FGF14: variants seen among roughly 807,000 people sequenced by gnomAD.
FGF14 encodes the protein fibroblast growth factor homologous factor 4.
FGF14 carries 5 observed loss-of-function variants against 25.5 expected under a neutral mutation model. The ratio of observed to expected loss-of-function variants is 0.20; its 90% CI spans 0.10 to 0.41. FGF14 has a LOEUF of 0.41. Among genes scored for constraint, FGF14 ranks in the 10% least tolerant of loss-of-function variants. The probability of loss-of-function intolerance (pLI) is 1.00; values close to 1 mark genes in which losing one functional copy is unlikely to be tolerated. For synonymous variants in FGF14, 138 were observed against 118.3 expected (o/e 1.17, Z -1.08); for missense variants, 222 against 320.1 (o/e 0.69, Z 2.34).
intron 1 of FGF14, among the ~76,000 whole-genome samples, chr13:102,271,143 GTAAA>G (rs1156969343): frequency 5.9e-5 from 9 of 152,104 alleles, no homozygotes; most frequent in Admixed American, 2.0e-4. Flanking sequence ...TGGTTTTGTG[GTAAA>G]TACTTATCAG....
At chr13:101,907,565 T>G (rs917616226) in intron 1 of FGF14, among the ~76,000 whole-genome samples, 1 of 152,150 alleles carries the variant, frequency 6.6e-6, no homozygotes, top group African/African-American at 2.4e-5. Context: ...AAGAACAGTT[T>G]GTTACTGGGG....
chr13:102,161,078 A>T (rs1256952276), intron 1 of FGF14, among the ~76,000 whole-genome samples: 1 of 152,206 alleles, frequency 6.6e-6, no homozygotes, highest in East Asian at 1.9e-4. Context: ...CCTAAGAGAG[A>T]GAAAGAAACA....
At chr13:101,943,548 A>G (rs1454657106) in intron 1 of FGF14, among the ~76,000 whole-genome samples, 1 of 152,158 alleles carries the variant, frequency 6.6e-6, no homozygotes, top group East Asian at 1.9e-4. Flanking sequence ...CTAAACATCA[A>G]TTGTTGCAGG....
chr13:102,025,999 G>T (rs2040906261), intron 1 of FGF14, among the ~76,000 whole-genome samples: 1 of 151,964 alleles, frequency 6.6e-6, no homozygotes. Flanking sequence ...AACAGAAGTG[G>T]CAAGAGCAGA....
At chr13:102,021,351 G>A (rs567614037) in intron 1 of FGF14, among the ~76,000 whole-genome samples, 27 of 152,154 alleles carry the variant, frequency 1.8e-4, no homozygotes, top group South Asian at 6.2e-4. Context: ...GAGTAAGTGC[G>A]TTGTGCTCTG....
At chr13:102,289,454 G>A (rs1402853747) in intron 1 of FGF14, among the ~76,000 whole-genome samples, 4 of 152,088 alleles carry the variant, frequency 2.6e-5, no homozygotes, top group African/African-American at 9.7e-5. Flanking sequence ...TACTCAAGTT[G>A]GACATTATAA....
chr13:102,044,684 T>C (rs1595093407), intron 1 of FGF14, among the ~76,000 whole-genome samples: 1 of 152,180 alleles, frequency 6.6e-6, no homozygotes, highest in East Asian at 1.9e-4. Flanking sequence ...GCCATTTAAT[T>C]GCTGTAAAAG....
chr13:102,180,608 G>A (rs9557829), intron 1 of FGF14, among the ~76,000 whole-genome samples: 21,228 of 152,066 alleles, frequency 0.14, 1,635 homozygotes, highest in Non-Finnish European at 0.17. Context: ...CACCTCACCC[G>A]GCCAAGAGAA....
chr13:101,726,380 G>A (rs1051191168), intron 4 of FGF14, among the ~76,000 whole-genome samples: 2 of 151,966 alleles, frequency 1.3e-5, no homozygotes, highest in Admixed American at 6.6e-5. Context: ...GGAGGTGGCA[G>A]AGAAGAAATT....
intron 1 of FGF14, among the ~76,000 whole-genome samples, chr13:102,194,938 C>T (rs554372687): frequency 4.6e-5 from 7 of 151,900 alleles, no homozygotes; most frequent in Non-Finnish European, 8.8e-5. Context: ...ACTATGGTTT[C>T]CAGAAGGCAA....
At chr13:102,255,058 G>A (rs6491676) in intron 1 of FGF14, among the ~76,000 whole-genome samples, 31,081 of 152,174 alleles carry the variant, frequency 0.2, 3,431 homozygotes, top group African/African-American at 0.27. Context: ...ATTGTTCACA[G>A]TGCTGTTTCC....
chr13:102,028,707 G>GT (rs376321040), intron 1 of FGF14, among the ~76,000 whole-genome samples: 1 of 151,342 alleles, frequency 6.6e-6, no homozygotes, highest in Admixed American at 6.6e-5. Context: ...GGAATATGGG[G>GT]TTTTTTTTGT....
At chr13:101,895,367 T>A (rs955231006) in intron 1 of FGF14, among the ~76,000 whole-genome samples, 3 of 152,164 alleles carry the variant, frequency 2.0e-5, no homozygotes, top group Admixed American at 1.3e-4. Flanking sequence ...TCAATTTCAG[T>A]ATATAAATCC....
At chr13:102,094,802 A>ACTG (rs2044317369) in intron 1 of FGF14, among the ~76,000 whole-genome samples, 1 of 152,118 alleles carries the variant, frequency 6.6e-6, no homozygotes, top group Non-Finnish European at 1.5e-5. Context: ...TCAATAAGGG[A>ACTG]CTGCCTTTTT....
intron 1 of FGF14, among the ~76,000 whole-genome samples, chr13:102,006,656 T>C (rs915955693): frequency 7.2e-6 from 1 of 137,936 alleles, no homozygotes; most frequent in African/African-American, 2.7e-5. Flanking sequence ...GTACCTACAA[T>C]AAGCCAAAAT....
chr13:102,086,835 C>T (rs1221608648), intron 1 of FGF14, among the ~76,000 whole-genome samples: 1 of 152,168 alleles, frequency 6.6e-6, no homozygotes, highest in East Asian at 1.9e-4. Context: ...TGAAGATGGG[C>T]TGGCACACAT....
chr13:101,969,986 T>C (rs1260944911), intron 1 of FGF14, among the ~76,000 whole-genome samples: 1 of 152,238 alleles, frequency 6.6e-6, no homozygotes, highest in Non-Finnish European at 1.5e-5. Context: ...CTTCTGGCCT[T>C]ATTGTCATCT....
intron 3 of FGF14, among the ~76,000 whole-genome samples, chr13:101,754,589 C>T (rs544265993): frequency 7.2e-5 from 11 of 152,034 alleles, no homozygotes; most frequent in South Asian, 2.1e-4. Flanking sequence ...CTCAGCCGAG[C>T]GTAGTGGCAT....
chr13:101,725,968 G>A (rs544402751), intron 4 of FGF14, among the ~76,000 whole-genome samples: 1 of 151,810 alleles, frequency 6.6e-6, no homozygotes, highest in African/African-American at 2.4e-5. Context: ...CCATTCATCC[G>A]GCATGGATGA....
Sources: gnomAD v4.1 joint callset for allele counts (sites outside exome capture counted in the v4.1 genomes callset) on GRCh38, gnomAD v4.1.1 for gene constraint, MANE v1.5 for transcripts, NCBI Gene and HGNC (gene_info 2026-07-23, HGNC 2026-07-21) for gene names.